The following ANO3 variants were observed in gnomAD, a reference collection of about 807,000 sequenced individuals.
ANO3 encodes the protein anoctamin 3, also known as anoctamin-3.
A neutral mutation model predicts 144.8 loss-of-function variants in ANO3; 99 were observed. The observed-to-expected ratio is 0.68, with a 90% CI of 0.58 to 0.81. The LOEUF is 0.81. ANO3 is among the 30% of genes least tolerant of loss of function. The probability of loss-of-function intolerance (pLI) is 0.00; values close to 1 mark genes in which losing one functional copy is unlikely to be tolerated. For synonymous variants in ANO3, 414 were observed against 392.6 expected (o/e 1.05, Z -0.64); for missense variants, 905 against 1,202.2 (o/e 0.75, Z 3.66).
chr11:26,204,584 C>A (rs150773278), intron 1 of ANO3, among the ~76,000 whole-genome samples: 2 of 152,216 alleles, frequency 1.3e-5, no homozygotes, highest in African/African-American at 4.8e-5. Context: ...AGTTCACATG[C>A]GCATGGGTGA....
At chr11:26,572,210 T>G in intron 14 of ANO3, 3 of 985,418 alleles carry the variant, frequency 3.0e-6, no homozygotes, top group Non-Finnish European at 3.6e-6. Flanking sequence ...GTATCTTGCT[T>G]GTGTAACAGA....
At chr11:26,257,082 A>C (rs916718961) in intron 1 of ANO3, among the ~76,000 whole-genome samples, 1 of 152,100 alleles carries the variant, frequency 6.6e-6, no homozygotes, top group South Asian at 2.1e-4. Context: ...GGAATATAGA[A>C]TTGAAGGAAT....
At chr11:26,266,582 C>T (rs1041524836) in intron 1 of ANO3, among the ~76,000 whole-genome samples, 4 of 151,270 alleles carry the variant, frequency 2.6e-5, no homozygotes, top group Admixed American at 6.6e-5. Context: ...TACAGGCGTC[C>T]GCCACCAAAC....
intron 5 of ANO3, among the ~76,000 whole-genome samples, chr11:26,516,221 T>C (rs145877570): frequency 2.4e-4 from 37 of 151,842 alleles, no homozygotes; most frequent in African/African-American, 6.0e-4. Flanking sequence ...TAAAAACCTT[T>C]TGTCTAGTCA....
intron 1 of ANO3, among the ~76,000 whole-genome samples, chr11:26,374,546 T>C (rs1353142306): frequency 6.6e-6 from 1 of 152,200 alleles, no homozygotes; most frequent in Non-Finnish European, 1.5e-5. Flanking sequence ...TTAGTAATAA[T>C]CATTTGCCAT....
chr11:26,382,047 A>G (rs1856602709), intron 1 of ANO3, among the ~76,000 whole-genome samples: 2 of 152,148 alleles, frequency 1.3e-5, no homozygotes, highest in East Asian at 1.9e-4. Context: ...CCTACATTCT[A>G]GCAAATTTTG....
upstream of ANO3, among the ~76,000 whole-genome samples, chr11:26,329,295 T>TACACACACAC (rs201501181): frequency 1.4e-3 from 210 of 144,988 alleles, no homozygotes; most frequent in South Asian, 0.012. Flanking sequence ...TTTCTTTCTT[T>TACACACACAC]ACACACACAC....
In ANO3 at chr11:26,285,069, C is replaced by G. The variant is rs147662915; in HGVS notation, c.155-24576C>G. On this transcript the variant is annotated intron_variant, in intron 1 of 27. Coordinates refer to the ANO3 transcript ENST00000672621. ...TCAGAATTTCCACTAGGGGGAGCTA[C>G]CACTATGTGGTTTATTTACTGTGTA... Among the ~76,000 whole-genome samples the G allele has an allele frequency of 1.8e-3, 277 of 152,118 alleles. 4 individuals are homozygous for G. Among genetic ancestry groups the G allele is most frequent in the East Asian group, 0.016 (82 of 5,174 alleles).
At chr11:26,429,036 A>G (rs541079760) in intron 1 of ANO3, among the ~76,000 whole-genome samples, 1 of 152,202 alleles carries the variant, frequency 6.6e-6, no homozygotes, top group Non-Finnish European at 1.5e-5. Flanking sequence ...TCACTGGGTC[A>G]CTGAGAAGTC....
chr11:26,355,131 A>AT (rs1025438274), intron 1 of ANO3, among the ~76,000 whole-genome samples: 1 of 150,028 alleles, frequency 6.7e-6, no homozygotes, highest in African/African-American at 2.5e-5. Flanking sequence ...TCACTGTCTG[A>AT]TTTTCTTGTA....
At chr11:26,347,590 G>GA (rs1358438273) in intron 1 of ANO3, among the ~76,000 whole-genome samples, 1 of 151,986 alleles carries the variant, frequency 6.6e-6, no homozygotes, top group Non-Finnish European at 1.5e-5. Context: ...TTCCCATGGT[G>GA]AAAATTAGTC....
At chr11:26,612,683 T>A (rs1269175797) in intron 17 of ANO3, among the ~76,000 whole-genome samples, 2 of 152,102 alleles carry the variant, frequency 1.3e-5, no homozygotes. Context: ...AAGGCCAGTC[T>A]AGTGGTGACA....
At chr11:26,431,956 T>C (rs556049896) in intron 1 of ANO3, among the ~76,000 whole-genome samples, 11 of 152,322 alleles carry the variant, frequency 7.2e-5, no homozygotes, top group Admixed American at 6.5e-4. Flanking sequence ...GTAATTCTTT[T>C]TTTTAGCTCT....
chr11:26,535,606 G>A (rs1393108949), intron 9 of ANO3, among the ~76,000 whole-genome samples: 1 of 91,586 alleles, frequency 1.1e-5, no homozygotes, highest in Non-Finnish European at 2.0e-5. Flanking sequence ...TTTTTCAGAT[G>A]GAGTCTTGCT....
At chr11:26,500,979 G>A (rs1861173796) in intron 4 of ANO3, among the ~76,000 whole-genome samples, 1 of 152,122 alleles carries the variant, frequency 6.6e-6, no homozygotes, top group South Asian at 2.1e-4. Flanking sequence ...CAGGCTACCA[G>A]TGTCTAGACT....
At chr11:26,405,661 A>T (rs142647883) in intron 1 of ANO3, among the ~76,000 whole-genome samples, 28 of 152,078 alleles carry the variant, frequency 1.8e-4, no homozygotes, top group African/African-American at 6.0e-4. Context: ...CACTGGCAAA[A>T]TTACATATGC....
chr11:26,292,080 C>T (rs1486992875), intron 1 of ANO3, among the ~76,000 whole-genome samples: 2 of 152,056 alleles, frequency 1.3e-5, no homozygotes, highest in African/African-American at 2.4e-5. Context: ...TCACATGGTC[C>T]CATATTTCTT....
intron 9 of ANO3, among the ~76,000 whole-genome samples, chr11:26,536,698 T>C (rs1849518219): frequency 6.6e-6 from 1 of 152,110 alleles, no homozygotes; most frequent in Admixed American, 6.5e-5. Context: ...TGTACAATAT[T>C]CCATAATAAA....
At chr11:26,401,761 C>G (rs1857152639) in intron 1 of ANO3, among the ~76,000 whole-genome samples, 1 of 151,970 alleles carries the variant, frequency 6.6e-6, no homozygotes, top group South Asian at 2.1e-4. Flanking sequence ...TCTACAGTCC[C>G]AGCCACTTAG....
Sources: allele counts gnomAD v4.1 joint callset (sites outside exome capture counted in the v4.1 genomes callset), GRCh38; gene constraint gnomAD v4.1.1; transcripts MANE v1.5; gene names NCBI Gene and HGNC (gene_info 2026-07-23, HGNC 2026-07-21).